The following NRCAM variants were observed in gnomAD, a reference collection of about 807,000 sequenced individuals.
The protein encoded by NRCAM is NgCAM-related cell adhesion molecule.
Under a neutral mutation model 156.5 loss-of-function variants are expected in NRCAM, and 83 were observed. The observed-to-expected ratio is 0.53, with a 90% CI of 0.44 to 0.64. The LOEUF (loss-of-function observed/expected upper bound fraction) is 0.64, where lower values mean the gene tolerates loss of function less well. Ranked by LOEUF, NRCAM falls within the 30% of genes least tolerant of loss-of-function variation. The probability of loss-of-function intolerance (pLI) is 0.00; values close to 1 mark genes in which losing one functional copy is unlikely to be tolerated. For missense variants in NRCAM, 1,417 were observed against 1,597.3 expected, an observed-to-expected ratio of 0.89 and a Z score of 1.92; for synonymous variants, 538 against 563.9, an observed-to-expected ratio of 0.95 and a Z score of 0.65.
intron 2 of NRCAM, among the ~76,000 whole-genome samples, chr7:108,324,137 T>C (rs1159697): frequency 0.62 from 94,027 of 151,836 alleles, 30,618 homozygotes; most frequent in East Asian, 0.93. Flanking sequence ...GGGAGTGACA[T>C]GACCTGACTT....
At chr7:108,237,571 T>C (rs1421248769) in intron 5 of NRCAM, among the ~76,000 whole-genome samples, 181 bp downstream of exon 5, 1 of 152,174 alleles carries the variant, frequency 6.6e-6, no homozygotes, top group Non-Finnish European at 1.5e-5. Context: ...TTCATGCAGA[T>C]AATACTTTAC....
intron 1 of NRCAM, among the ~76,000 whole-genome samples, chr7:108,441,562 T>C (rs1838546867): frequency 6.6e-6 from 1 of 152,246 alleles, no homozygotes; most frequent in Admixed American, 6.5e-5. Flanking sequence ...ATTTCCTTGT[T>C]ATATATCATA....
chr7:108,401,251 C>T (rs1052959047), intron 1 of NRCAM, among the ~76,000 whole-genome samples: 1 of 150,722 alleles, frequency 6.6e-6, no homozygotes, highest in East Asian at 2.0e-4. Flanking sequence ...AACAAAGGAA[C>T]AATAGCAGGC....
Position 108,209,417 on chromosome 7 carries a change from A to G in NRCAM, c.1075+4T>C, listed in dbSNP as rs547014629. Reference sequence around the variant, plus strand: ...GCAAGAAGAATGGATTTTAAACAATATACCTTTAACTCTAACAGAAATGGT... The same window carrying G: ...GCAAGAAGAATGGATTTTAAACAATGTACCTTTAACTCTAACAGAAATGGT... On this transcript the variant is annotated splice_donor_region_variant and intron_variant, in intron 12 of 32. Transcript: ENST00000379028. 5.4e-4 allele frequency: 853 copies of G among 1,565,156 alleles called. 16 individuals carry two copies. The South Asian group carries it at 9.9e-3, about 18-fold the overall frequency.
At chr7:108,437,384 A>C (rs1199893815) in intron 1 of NRCAM, among the ~76,000 whole-genome samples, 1 of 152,202 alleles carries the variant, frequency 6.6e-6, no homozygotes, top group Non-Finnish European at 1.5e-5. Flanking sequence ...CAGAGTGAAT[A>C]TATTCAATAA....
chr7:108,413,521 C>T (rs1386022070), intron 1 of NRCAM, among the ~76,000 whole-genome samples: 1 of 152,138 alleles, frequency 6.6e-6, no homozygotes, highest in African/African-American at 2.4e-5. Context: ...CTTTGAAAGA[C>T]AACTCAAAAC....
chr7:108,241,223 C>G (rs2095504402), intron 3 of NRCAM, among the ~76,000 whole-genome samples: 1 of 152,160 alleles, frequency 6.6e-6, no homozygotes, highest in Non-Finnish European at 1.5e-5. Flanking sequence ...ATGCTCTCTA[C>G]TCCTCCAGGA....
chr7:108,415,977 G>A (rs1197496611), intron 1 of NRCAM, among the ~76,000 whole-genome samples: 1 of 152,240 alleles, frequency 6.6e-6, no homozygotes, highest in Non-Finnish European at 1.5e-5. Flanking sequence ...ACCCTCCAGT[G>A]TTTTTCACAG....
At chr7:108,160,554 T>A in intron 30 of NRCAM, 62 bp from the exon 31 acceptor site, 2 of 1,489,090 alleles carry the variant, frequency 1.3e-6, no homozygotes, top group Non-Finnish European at 1.8e-6. Context: ...ACTGCTGCAG[T>A]CTCTCAGAGT....
At chr7:108,302,188 C>T (rs1002456728) in intron 3 of NRCAM, among the ~76,000 whole-genome samples, 24 of 152,082 alleles carry the variant, frequency 1.6e-4, no homozygotes, top group African/African-American at 5.1e-4. Context: ...TTCCAGTGAC[C>T]CTTGGGAATG....
At chr7:108,337,334 T>A (rs2099208094) in intron 2 of NRCAM, among the ~76,000 whole-genome samples, 1 of 151,402 alleles carries the variant, frequency 6.6e-6, no homozygotes, top group Non-Finnish European at 1.5e-5. Flanking sequence ...CTGTTTTCAC[T>A]CTATTAAATC....
intron 2 of NRCAM, among the ~76,000 whole-genome samples, chr7:108,364,283 T>C (rs573798977): frequency 6.6e-6 from 1 of 152,096 alleles, no homozygotes; most frequent in African/African-American, 2.4e-5. Flanking sequence ...ATTAAGAAAA[T>C]GCAAATGAAA....
At chr7:108,219,818 C>T (rs1225835922) in intron 11 of NRCAM, among the ~76,000 whole-genome samples, 1 of 152,090 alleles carries the variant, frequency 6.6e-6, no homozygotes, top group Non-Finnish European at 1.5e-5. Flanking sequence ...TCTTACCACT[C>T]CTCTTCAACA....
At chr7:108,249,269 T>G (rs2096182037) in intron 3 of NRCAM, among the ~76,000 whole-genome samples, 1 of 152,200 alleles carries the variant, frequency 6.6e-6, no homozygotes, top group African/African-American at 2.4e-5. Flanking sequence ...GGACATGACA[T>G]GAAGAATTGT....
chr7:108,341,048 T>TTAGGGCAAA (rs1563339823), intron 2 of NRCAM, among the ~76,000 whole-genome samples: 3 of 152,292 alleles, frequency 2.0e-5, no homozygotes, highest in African/African-American at 7.2e-5. Flanking sequence ...GCAAATCCAA[T>TTAGGGCAAA]GCCTAATAGG....
At chr7:108,285,412 T>C (rs990365857) in intron 3 of NRCAM, among the ~76,000 whole-genome samples, 3 of 152,190 alleles carry the variant, frequency 2.0e-5, no homozygotes, top group Non-Finnish European at 4.4e-5. Flanking sequence ...TGGGTTTCAA[T>C]CTGTTTTGAA....
chr7:108,393,453 A>T (rs910353774), intron 2 of NRCAM, among the ~76,000 whole-genome samples: 1 of 152,104 alleles, frequency 6.6e-6, no homozygotes, highest in Admixed American at 6.5e-5. Flanking sequence ...TTAGGATGGG[A>T]GTGACCCGAT....
rs561527067 is a variant in NRCAM, at chr7:108,356,878, A to T, written c.-174+42558T>A. On this transcript the variant is annotated intron_variant, in intron 2 of 32. Coordinates refer to ENST00000379028, the MANE Select transcript of NRCAM (RefSeq NM_001037132.4). ...TTAACGTGATGGTTGAGGTGGGCCC[A>T]AAGAGATGGGCCCTTTGGGAAGTAT... Among the ~76,000 whole-genome samples the T allele has an allele frequency of 3.3e-5, 5 of 152,320 alleles. No individual in the cohort carries two copies. In the East Asian group the frequency reaches 9.6e-4, roughly 29 times the overall value.
Position 108,194,280 on chromosome 7 carries a change from C to T in NRCAM, c.1612G>A (p.Val538Ile). 6.2e-7 allele frequency: 1 copy of T among 1,612,136 alleles called. No homozygotes were observed. Among genetic ancestry groups the T allele is most frequent in the Non-Finnish European group, 8.5e-7 (1 of 1,178,448 alleles). ...RNKLGMAKNE[V>I]HLEIKDPTWI... is the part of the protein sequence containing the mutation. ...GCCTTACCTTTGATTTCTAAGTGAACTTCATTCTTCGCCATCCCTAATTTA... is the reference window on the plus strand; with the variant it reads ...GCCTTACCTTTGATTTCTAAGTGAATTTCATTCTTCGCCATCCCTAATTTA... Residue 538 changes from valine to isoleucine, a missense_variant, in exon 16 of 33, where the codon GTT becomes ATT. By Grantham distance (29) the Val-to-Ile change is conservative. Coordinates refer to ENST00000379028, the MANE Select transcript of NRCAM (RefSeq NM_001037132.4).
Sources: gnomAD v4.1 joint callset for allele counts (sites outside exome capture counted in the v4.1 genomes callset) on GRCh38, gnomAD v4.1.1 for gene constraint, MANE v1.5 for transcripts, NCBI Gene and HGNC (gene_info 2026-07-23, HGNC 2026-07-21) for gene names.